Variants in LY9 observed in about 807,000 individuals in gnomAD.
The protein encoded by LY9 is lymphocyte antigen 9, also known as T-lymphocyte surface antigen Ly-9.
In LY9, 59 loss-of-function variants were observed where a neutral mutation model predicts 64.6. The ratio of observed to expected loss-of-function variants is 0.91; its 90% CI spans 0.74 to 1.13. The LOEUF (loss-of-function observed/expected upper bound fraction) is 1.13, where lower values mean the gene tolerates loss of function less well. Ranked by LOEUF, LY9 falls within the 50% of genes most tolerant of loss-of-function variation. LY9 has a pLI of 0.00. For missense variants in LY9, 789 were observed against 797.2 expected, an observed-to-expected ratio of 0.99 and a Z score of 0.12; for synonymous variants, 281 against 308.5, an observed-to-expected ratio of 0.91 and a Z score of 0.93.
At chr1:160,813,583 CT>C in intron 2 of LY9, 52 bp from the exon 3 acceptor site, 4 of 1,572,852 alleles carry the variant, frequency 2.5e-6, no homozygotes, top group Non-Finnish European at 2.6e-6. Context: ...TCTCTCAGCG[CT>C]TTCCTGCTGG....
intron 9 of LY9, among the ~76,000 whole-genome samples, chr1:160,825,998 C>A (rs1668833053): frequency 6.6e-6 from 1 of 152,254 alleles, no homozygotes; most frequent in Admixed American, 6.5e-5. Flanking sequence ...AATCAAAAAT[C>A]ATTCTATAAC....
chr1:160,803,803 T>G (rs1666727271), intron 2 of LY9, among the ~76,000 whole-genome samples: 1 of 152,108 alleles, frequency 6.6e-6, no homozygotes, highest in Non-Finnish European at 1.5e-5. Context: ...AGCTCGGAAG[T>G]TCAAGACCAG....
chr1:160,817,999 CCT>C (rs1043777189), intron 5 of LY9, among the ~76,000 whole-genome samples: 1 of 152,204 alleles, frequency 6.6e-6, no homozygotes, highest in African/African-American at 2.4e-5. Flanking sequence ...AAGCCGTAAA[CCT>C]CTCTACCCAG....
intron 2 of LY9, 32 bp from the exon 3 acceptor site, chr1:160,813,604 C>A (rs1373226680): frequency 6.3e-7 from 1 of 1,596,700 alleles, no homozygotes; most frequent in African/African-American, 1.3e-5. Flanking sequence ...GCAAAAGGAT[C>A]TGAGCATCTT....
chr1:160,802,561 A>G, intron 2 of LY9: 1 of 985,578 alleles, frequency 1.0e-6, no homozygotes, highest in Non-Finnish European at 1.2e-6. Context: ...AATGGTTCAA[A>G]TTGCTGCTCA....
intron 9 of LY9, among the ~76,000 whole-genome samples, chr1:160,825,203 G>GT (rs1237486455): frequency 6.8e-6 from 1 of 146,406 alleles, no homozygotes; most frequent in African/African-American, 2.6e-5. Context: ...GTGAGACCAT[G>GT]TCTTAAAAAA....
chr1:160,827,364 A>G (rs1162024502), intron 9 of LY9, among the ~76,000 whole-genome samples: 1 of 152,212 alleles, frequency 6.6e-6, no homozygotes, highest in African/African-American at 2.4e-5. Context: ...CTGGACCATT[A>G]CTTTGGAACT....
intron 7 of LY9, among the ~76,000 whole-genome samples, chr1:160,820,869 C>T (rs867131619): frequency 6.8e-6 from 1 of 147,900 alleles, no homozygotes; most frequent in African/African-American, 2.5e-5. Flanking sequence ...ATTCAAAAGT[C>T]AGACTGGGCA....
chr1:160,824,389 A>G (rs1668728471), intron 9 of LY9, 140 bp downstream of exon 9: 1 of 1,446,836 alleles, frequency 6.9e-7, no homozygotes, highest in Non-Finnish European at 9.1e-7. Context: ...GATACATTCC[A>G]TGGTCAACAG....
intron 2 of LY9, chr1:160,811,856 G>A (rs1448533139): frequency 3.9e-5 from 6 of 152,088 alleles, no homozygotes; most frequent in Admixed American, 1.3e-4. Flanking sequence ...CCAAATTTTC[G>A]TTAACATTCA....
chr1:160,824,442 C>T, intron 9 of LY9, 193 bp downstream of exon 9: 1 of 985,308 alleles, frequency 1.0e-6, no homozygotes, highest in African/African-American at 1.7e-5. Context: ...TGACCAAAGG[C>T]TGAACATTTC....
Position 160,813,806 on chromosome 1 carries a change from G to GT in LY9, c.626dup (p.Ser210LeufsTer6). The GT allele has an allele frequency of 2.5e-6, 4 of 1,614,100 alleles. No individual in the cohort carries two copies. Among genetic ancestry groups the GT allele is most frequent in the Non-Finnish European group, 3.4e-6 (4 of 1,180,014 alleles). On this transcript the variant is annotated frameshift_variant, in exon 3 of 10. Coordinates refer to ENST00000263285, the MANE Select transcript of LY9 (RefSeq NM_002348.4). LOFTEE classifies it high-confidence loss of function. ...GTCCAATGGAGGCTCCATTCTTACC[G>GT]TCTCCCGAACACCATGTGACCCAGA...
chr1:160,797,597 C>G (rs372787810), intron 1 of LY9, among the ~76,000 whole-genome samples: 1 of 152,176 alleles, frequency 6.6e-6, no homozygotes, highest in Admixed American at 6.5e-5. Flanking sequence ...AGAGGCATCT[C>G]CATTGGTCTG....
At chr1:160,807,698 C>T (rs1206758159) in intron 2 of LY9, among the ~76,000 whole-genome samples, 4 of 152,044 alleles carry the variant, frequency 2.6e-5, no homozygotes. Flanking sequence ...GCTGCAATGG[C>T]CTGGGCAGAC....
At position 160,802,117 on chromosome 1, in the gene LY9, T is replaced by C. The variant is rs1053002084; in HGVS notation, c.454+2035T>C. ...CGTCGGGAACACCGGAGCCGCCAAC[T>C]TGGAGACTCCTGGTCTGTGAAGAGC... On this transcript the variant is annotated intron_variant, in intron 2 of 9. Transcript: ENST00000263285. 11 of 1,374,676 alleles carry C rather than the reference T, an allele frequency of 8.0e-6. No individual in the cohort carries two copies. In the Admixed American group the frequency reaches 3.2e-4, roughly 40 times the overall value. 85.2% of individuals were successfully genotyped at this position (1,374,676 alleles called of 1,614,324 possible).
At chr1:160,812,749 T>C (rs1667606843) in intron 2 of LY9, 1 of 152,190 alleles carries the variant, frequency 6.6e-6, no homozygotes, top group Non-Finnish European at 1.5e-5. Flanking sequence ...TTATGTAGCT[T>C]TGGTATTTTC....
rs180841845 is a variant in LY9, at chr1:160,804,439, C to A, written c.454+4357C>A. 2.0e-5 allele frequency among the ~76,000 whole-genome samples: 3 copies of A among 152,192 alleles called. No individual in the cohort carries two copies. In the East Asian group the frequency reaches 5.8e-4, roughly 29 times the overall value. On this transcript the variant is annotated intron_variant, in intron 2 of 9. Coordinates refer to ENST00000263285, the MANE Select transcript of LY9 (RefSeq NM_002348.4). ...CATCCTTGCATCCCTGGGATAAATC[C>A]CACTTGATCATGTATTATCTTTTTG...
At chr1:160,819,786 G>T (rs1668241627) in intron 7 of LY9, among the ~76,000 whole-genome samples, 1 of 35,816 alleles carries the variant, frequency 2.8e-5, no homozygotes, top group African/African-American at 9.3e-5. Flanking sequence ...GCAAGACTCT[G>T]TCTCAAAAAA....
chr1:160,801,952 G>C, intron 2 of LY9: 1 of 1,608,334 alleles, frequency 6.2e-7, no homozygotes, highest in Non-Finnish European at 8.5e-7. Context: ...AGACCGCTCC[G>C]CCATCCCCAC....
Sources: allele counts gnomAD v4.1 joint callset (sites outside exome capture counted in the v4.1 genomes callset), GRCh38; gene constraint gnomAD v4.1.1; transcripts MANE v1.5; gene names NCBI Gene and HGNC (gene_info 2026-07-23, HGNC 2026-07-21).